Variants in STON1 observed in about 807,000 individuals in gnomAD.
STON1 encodes stonin 1, also known as stonin-1.
Under a neutral mutation model 60.9 loss-of-function variants are expected in STON1, and 79 were observed. That is an observed-to-expected ratio of 1.30 (90% CI 1.08 to 1.56). STON1 has a LOEUF of 1.56. Among genes scored for constraint, STON1 ranks in the 40% most tolerant of loss-of-function variants. The pLI is 0.00. For synonymous variants in STON1, 363 were observed against 306.9 expected, an observed-to-expected ratio of 1.18 and a Z score of -1.91; for missense variants, 1,166 against 858.9, an observed-to-expected ratio of 1.36 and a Z score of -4.47.
At chr2:48,572,499 A>G (rs1673267099) in intron 1 of STON1, among the ~76,000 whole-genome samples, 1 of 152,180 alleles carries the variant, frequency 6.6e-6, no homozygotes, top group Admixed American at 6.5e-5. Flanking sequence ...CTTTTAAAAA[A>G]TTCAGGGCTG....
intron 1 of STON1, among the ~76,000 whole-genome samples, chr2:48,557,803 C>G (rs1672445196): frequency 6.6e-6 from 1 of 152,250 alleles, no homozygotes; most frequent in Non-Finnish European, 1.5e-5. Flanking sequence ...TTTGCAAGCA[C>G]TCCCCATAGA....
intron 1 of STON1, among the ~76,000 whole-genome samples, chr2:48,574,937 T>C (rs1212400594): frequency 6.6e-6 from 1 of 152,264 alleles, no homozygotes; most frequent in Non-Finnish European, 1.5e-5. Flanking sequence ...ATGAACGATA[T>C]GCACATTGTT....
At chr2:48,593,913 C>T (rs1157474292) in intron 3 of STON1, among the ~76,000 whole-genome samples, 1 of 152,154 alleles carries the variant, frequency 6.6e-6, no homozygotes, top group Non-Finnish European at 1.5e-5. Context: ...ATTTCCCCAG[C>T]AGGTGGGAAT....
intron 1 of STON1, among the ~76,000 whole-genome samples, chr2:48,565,466 A>G (rs1672901731): frequency 1.3e-5 from 2 of 152,192 alleles, no homozygotes; most frequent in South Asian, 4.1e-4. Context: ...AGGTTTCAAC[A>G]TAGGAATTTT....
chr2:48,567,118 T>C (rs1672982305), intron 1 of STON1, among the ~76,000 whole-genome samples: 1 of 152,174 alleles, frequency 6.6e-6, no homozygotes, highest in African/African-American at 2.4e-5. Context: ...GCACTGACAA[T>C]ATTTGAAAGC....
At chr2:48,580,476 C>G in intron 1 of STON1, 111 bp from the exon 2 acceptor site, 2 of 1,111,348 alleles carry the variant, frequency 1.8e-6, no homozygotes, top group Non-Finnish European at 2.3e-6. Flanking sequence ...ATCCACTTAG[C>G]CACCAACAGA....
intron 1 of STON1, among the ~76,000 whole-genome samples, chr2:48,535,814 C>T (rs964666533): frequency 2.0e-5 from 3 of 152,082 alleles, no homozygotes; most frequent in South Asian, 2.1e-4. Flanking sequence ...TAGCTGGGCA[C>T]GGTGGTTCAT....
intron 1 of STON1, among the ~76,000 whole-genome samples, chr2:48,576,678 A>T (rs529708423): frequency 3.4e-4 from 51 of 152,152 alleles, no homozygotes; most frequent in African/African-American, 1.2e-3. Context: ...GTACTTTGCC[A>T]ATTACTAAAT....
rs1673874111 is a variant in STON1, at chr2:48,581,374, T to G, written c.741T>G (p.Ser247Arg). ...QSAENQDSLR[S>R]LSMHCLCAEE... Reference sequence around the variant, plus strand: ...CTGAGAACCAAGACTCACTTAGAAGTTTGTCTATGCACTGTCTATGTGCTG... The same window carrying G: ...CTGAGAACCAAGACTCACTTAGAAGGTTGTCTATGCACTGTCTATGTGCTG... The change falls in exon 2 of 4, where the codon AGT (serine) becomes AGG (arginine). Residue 247 changes from serine (S) to arginine (R), a missense_variant. Transcript: ENST00000404752. 6.3e-7 allele frequency: 1 copy of G among 1,576,910 alleles called. No individual in the cohort carries two copies. Among genetic ancestry groups the G allele is most frequent in the African/African-American group, 1.4e-5 (1 of 73,720 alleles).
chr2:48,581,582 A>C lies in STON1; in HGVS notation c.949A>C (p.Lys317Gln), dbSNP rs933742336. The change falls in exon 2 of 4, where the codon AAA becomes CAA. Residue 317 changes from lysine (K) to glutamine (Q), a missense_variant. Lys to Gln is a moderately conservative substitution (Grantham distance 53). Transcript: ENST00000404752. Reference sequence around the variant, plus strand: ...GATGTATTATGAACAGGGATTAGAAAAACCATTTAAAGAGATACAGCTTGA... The same window carrying C: ...GATGTATTATGAACAGGGATTAGAACAACCATTTAAAGAGATACAGCTTGA... ...LQMYYEQGLE[K>Q]PFKEIQLDPY... 1.2e-6 allele frequency: 2 copies of C among 1,614,122 alleles called. No homozygotes were observed. Among genetic ancestry groups the C allele is most frequent in the African/African-American group, 2.7e-5 (2 of 74,940 alleles).
At chr2:48,542,749 C>G (rs72822289) in intron 1 of STON1, among the ~76,000 whole-genome samples, 1 of 151,818 alleles carries the variant, frequency 6.6e-6, no homozygotes, top group Non-Finnish European at 1.5e-5. Flanking sequence ...TACAAAAATA[C>G]AAAAATTAGC....
intron 1 of STON1, among the ~76,000 whole-genome samples, chr2:48,556,894 G>C (rs1285529233): frequency 7.9e-5 from 1 of 12,630 alleles, no homozygotes; most frequent in African/African-American, 4.1e-4. Context: ...CGGGCTGAGG[G>C]GCTCCTCACT....
At position 48,557,559 on chromosome 2, in the gene STON1, G is replaced by C. The variant is rs1435112902; in HGVS notation, c.-47-23028G>C. 1.8e-5 allele frequency among the ~76,000 whole-genome samples: 2 copies of C among 113,522 alleles called. 1 individual carries two copies. Among genetic ancestry groups the C allele is most frequent in the Non-Finnish European group, 3.7e-5 (2 of 53,362 alleles). The allele number at this position is 113,522 out of a possible 152,430, so 74.5% of individuals were successfully genotyped here. A position where few individuals can be genotyped will look rare whatever the true frequency, so the allele number is the denominator to read the frequency against. On this transcript the variant is annotated intron_variant, in intron 1 of 3. Transcript: ENST00000404752. ...GCGGCCGGGCAGAGGCTGCAATCTC[G>C]GCACTTTGGGAGGCCAAGGCAGGCG...
At chr2:48,552,768 T>C (rs932541428) in intron 1 of STON1, among the ~76,000 whole-genome samples, 6 of 152,058 alleles carry the variant, frequency 3.9e-5, no homozygotes, top group African/African-American at 1.4e-4. Flanking sequence ...AGACTCCATC[T>C]CAAAAAACAA....
chr2:48,582,626 C>G, intron 2 of STON1, 63 bp downstream of exon 2: 4 of 1,548,130 alleles, frequency 2.6e-6, no homozygotes, highest in Non-Finnish European at 3.5e-6. Flanking sequence ...TTACCTTCCT[C>G]CTTGGGTTGA....
chr2:48,579,553 A>T (rs1269038807), intron 1 of STON1, among the ~76,000 whole-genome samples: 1 of 152,096 alleles, frequency 6.6e-6, no homozygotes, highest in East Asian at 1.9e-4. Context: ...ATTAATTTCT[A>T]GTTTTATTCC....
rs1213700233 is a variant in STON1, at chr2:48,582,135, T to G, written c.1502T>G (p.Ile501Ser). 6.2e-7 allele frequency: 1 copy of G among 1,614,220 alleles called. No individual in the cohort carries two copies. Among genetic ancestry groups the G allele is most frequent in the Non-Finnish European group, 8.5e-7 (1 of 1,180,038 alleles). ...VNVQEFEQSR[I>S]IKFVPLDACR... ...GTACAAGAATTTGAGCAATCAAGAA[T>G]CATTAAGTTTGTACCTCTGGATGCC... Residue 501 changes from isoleucine to serine, a missense_variant, in exon 2 of 4, where the codon ATC becomes AGC. Transcript: ENST00000404752.
intron 1 of STON1, among the ~76,000 whole-genome samples, chr2:48,553,920 T>C (rs1672203311): frequency 6.6e-6 from 1 of 152,088 alleles, no homozygotes; most frequent in Non-Finnish European, 1.5e-5. Context: ...AAAACCTAAA[T>C]ACTGGCTTCA....
intron 2 of STON1, 90 bp downstream of exon 2, chr2:48,582,653 A>G (rs1673963071): frequency 2.7e-6 from 4 of 1,506,650 alleles, no homozygotes; most frequent in African/African-American, 1.4e-5. Flanking sequence ...GTAGAGACAG[A>G]TGGCAATTTG....
Sources: allele counts gnomAD v4.1 joint callset (sites outside exome capture counted in the v4.1 genomes callset), GRCh38; gene constraint gnomAD v4.1.1; transcripts MANE v1.5; gene names NCBI Gene and HGNC (gene_info 2026-07-23, HGNC 2026-07-21).